The following DCLRE1B variants were observed in gnomAD, a reference collection of about 807,000 sequenced individuals.
DCLRE1B encodes 5' exonuclease Apollo.
In DCLRE1B, 6 loss-of-function variants were observed where a neutral mutation model predicts 19.8. That is an observed-to-expected ratio of 0.30 (90% confidence interval 0.17 to 0.60). The LOEUF is 0.60. Among genes scored for constraint, DCLRE1B ranks in the 20% least tolerant of loss-of-function variants. The probability of loss-of-function intolerance (pLI) is 0.87; values close to 1 mark genes in which losing one functional copy is unlikely to be tolerated. For missense variants in DCLRE1B, 622 were observed against 654.2 expected (o/e 0.95, Z 0.54); for synonymous variants, 258 against 255.7 (o/e 1.01, Z -0.09).
At chr1:113,907,195 AGAC>A in intron 2 of DCLRE1B, 34 bp downstream of exon 2, 1 of 645,556 alleles carries the variant, frequency 1.5e-6, no homozygotes, top group African/African-American at 3.1e-5. Context: ...TGACTTCTCC[AGAC>A]TAGATGTTTT....
Position 113,906,644 on chromosome 1 carries a change from C to G in DCLRE1B, c.190-352C>G, listed in dbSNP as rs570574305. On this transcript the variant is annotated intron_variant, in intron 1 of 3. Coordinates refer to ENST00000650450, the MANE Select transcript of DCLRE1B (RefSeq NM_022836.4). ...TAGCTGGGACTACAGGCGCCCGCCACCACGCCTGGCTAATTTTTTTTGTAT... is the reference window on the plus strand; with the variant it reads ...TAGCTGGGACTACAGGCGCCCGCCAGCACGCCTGGCTAATTTTTTTTGTAT... 6.9e-4 allele frequency among the ~76,000 whole-genome samples: 105 copies of G among 152,250 alleles called. 1 individual carries two copies. The highest frequency in any genetic ancestry group is 1.1e-3 in the Non-Finnish European group (76 of 68,008).
At position 113,905,386 on chromosome 1, in the gene DCLRE1B, C is replaced by T. The variant is rs1029032303; in HGVS notation, c.-201C>T. 5.0e-6 allele frequency: 3 copies of T among 605,194 alleles called. No individual in the cohort carries two copies. Among genetic ancestry groups the T allele is most frequent in the Admixed American group, 3.3e-5 (1 of 29,946 alleles). The allele number at this position is 605,194 out of a possible 1,614,324, so 37.5% of individuals were successfully genotyped here. A position where few individuals can be genotyped will look rare whatever the true frequency, so the allele number is the denominator to read the frequency against. ...GGTTGGGAGTGTCCAGCGCCCTCCG[C>T]GATTTGGGCTCCAGCGGGCAGGGTG... is the stretch of plus-strand genomic sequence containing the variant. On this transcript the variant is annotated 5_prime_UTR_variant, in exon 1 of 4. Coordinates refer to ENST00000650450, the MANE Select transcript of DCLRE1B (RefSeq NM_022836.4).
intron 3 of DCLRE1B, among the ~76,000 whole-genome samples, chr1:113,910,814 G>A (rs928240704): frequency 3.3e-5 from 5 of 152,114 alleles, no homozygotes; most frequent in African/African-American, 9.7e-5. Context: ...TATCTTTAAC[G>A]TTGCTCTTAA....
At position 113,905,767 on chromosome 1, in the gene DCLRE1B, C is replaced by T. The variant is rs11552449; in HGVS notation, c.181C>T (p.His61Tyr). Reference sequence around the variant, plus strand: ...AATTACAGCCCACCTCTTGCATCGTCACCTACAGGTATGGGGCTGGAGTCG... The same window carrying T: ...AATTACAGCCCACCTCTTGCATCGTTACCTACAGGTATGGGGCTGGAGTCG... Reference protein sequence around the residue: ...SPITAHLLHRHLQVSKQWIQA... With the variant: ...SPITAHLLHRYLQVSKQWIQA... The change falls in exon 1 of 4, where the codon CAC becomes TAC. Residue 61 changes from histidine to tyrosine, a missense_variant. By Grantham distance (83) the His-to-Tyr change is moderately conservative (BLOSUM62 2). This residue lies in a region of DCLRE1B where 237 missense variants were observed against 223.8 expected (regional missense o/e 1.06). Transcript: ENST00000650450. The T allele has an allele frequency of 0.18, 295,044 of 1,612,434 alleles. 33,388 individuals carry two copies. The highest frequency in any genetic ancestry group is 0.56 in the East Asian group (25,235 of 44,780).
In DCLRE1B at chr1:113,913,360, T is replaced by C. The variant is rs1669334800; in HGVS notation, c.*1169T>C. 1 of 152,746 alleles carries C rather than the reference T, an allele frequency of 6.5e-6. No individual in the cohort carries two copies. The highest frequency in any genetic ancestry group is 2.4e-5 in the African/African-American group (1 of 41,434). The allele number at this position is 152,746 out of a possible 1,614,324, so 9.5% of individuals were successfully genotyped here. On this transcript the variant is annotated 3_prime_UTR_variant, in exon 4 of 4. Coordinates refer to ENST00000650450, the MANE Select transcript of DCLRE1B (RefSeq NM_022836.4). ...AAGATTCCATTTCTTGTCCAGGGGA[T>C]TTAAAAGAGTTTTCTGCTTTGAGAG... is the stretch of plus-strand genomic sequence containing the variant.
chr1:113,907,736 A>G (rs1178639772), intron 2 of DCLRE1B, among the ~76,000 whole-genome samples: 1 of 152,124 alleles, frequency 6.6e-6, no homozygotes, highest in East Asian at 1.9e-4. Flanking sequence ...GGCCCCCCAA[A>G]GTGCTGGGAT....
chr1:113,907,318 C>T (rs1457207163), intron 2 of DCLRE1B, among the ~76,000 whole-genome samples, 157 bp downstream of exon 2: 2 of 149,418 alleles, frequency 1.3e-5, no homozygotes, highest in African/African-American at 5.0e-5. Context: ...TCAGCCTCCA[C>T]AGTAGCTAGG....
At position 113,906,796 on chromosome 1, in the gene DCLRE1B, T is replaced by C. The variant is rs566312111; in HGVS notation, c.190-200T>C. On this transcript the variant is annotated intron_variant, in intron 1 of 3. Coordinates refer to ENST00000650450, the MANE Select transcript of DCLRE1B (RefSeq NM_022836.4). ...GCGTGAGCCACCACGCCCGGCCAGC[T>C]GAACTCTTAAATTGTACAAAGGGTG... is the stretch of plus-strand genomic sequence containing the variant. Among the ~76,000 whole-genome samples the C allele has an allele frequency of 1.1e-4, 17 of 151,794 alleles. 1 individual carries two copies. In the South Asian group the frequency reaches 3.5e-3, roughly 32 times the overall value.
upstream of DCLRE1B, chr1:113,904,749 C>G (rs1472583774): frequency 1.3e-6 from 2 of 1,584,904 alleles, no homozygotes; most frequent in Non-Finnish European, 1.7e-6. Context: ...GCTCCCACAG[C>G]TCCCACGGTA....
Position 113,905,482 on chromosome 1 carries a change from G to T in DCLRE1B, c.-105G>T, listed in dbSNP as rs1414414750. 2 of 1,215,830 alleles carry T rather than the reference G, an allele frequency of 1.6e-6. No homozygotes were observed. The highest frequency in any genetic ancestry group is 1.3e-5 in the South Asian group (1 of 78,340). The allele number at this position is 1,215,830 out of a possible 1,614,324, so 75.3% of individuals were successfully genotyped here. A position where few individuals can be genotyped will look rare whatever the true frequency, so the allele number is the denominator to read the frequency against. ...TCTTTCCCTTAGGGTCTCTGGCCCT[G>T]TTCTTGCCCCAGCATGACTTTTATC... On this transcript the variant is annotated 5_prime_UTR_variant, in exon 1 of 4. Transcript: ENST00000650450.
At chr1:113,910,413 T>C (rs1345115370) in intron 3 of DCLRE1B, among the ~76,000 whole-genome samples, 1 of 152,208 alleles carries the variant, frequency 6.6e-6, no homozygotes, top group Non-Finnish European at 1.5e-5. Context: ...CTTTCTACCC[T>C]TTCCTTGCCA....
At chr1:113,907,206 T>A (rs1216545384) in intron 2 of DCLRE1B, 45 bp downstream of exon 2, 4 of 558,698 alleles carry the variant, frequency 7.2e-6, no homozygotes, top group East Asian at 2.2e-4. Flanking sequence ...GACTAGATGT[T>A]TTTTTTTTTT....
chr1:113,910,148 A>C (rs1669200803), intron 3 of DCLRE1B, among the ~76,000 whole-genome samples: 1 of 152,152 alleles, frequency 6.6e-6, no homozygotes, highest in Non-Finnish European at 1.5e-5. Flanking sequence ...GCAGTCAAAT[A>C]ATATTATTAC....
intron 3 of DCLRE1B, 83 bp from the exon 4 acceptor site, chr1:113,911,048 C>T (rs1669231503): frequency 3.8e-6 from 5 of 1,317,322 alleles, no homozygotes; most frequent in Non-Finnish European, 5.2e-6. Context: ...TTTTGTTAAA[C>T]ATTTTGTTGA....
chr1:113,906,085 C>G (rs1352280635), intron 1 of DCLRE1B, among the ~76,000 whole-genome samples: 1 of 115,952 alleles, frequency 8.6e-6, no homozygotes. Context: ...GAGACGGAGT[C>G]TCGCTCTGTT....
At chr1:113,909,796 T>A (rs1309829975) in intron 3 of DCLRE1B, among the ~76,000 whole-genome samples, 3 of 152,194 alleles carry the variant, frequency 2.0e-5, no homozygotes, top group Admixed American at 2.0e-4. Flanking sequence ...AGTCTCTGAC[T>A]TGGAGGGCTC....
At chr1:113,904,625 A>G (rs766434944), upstream of DCLRE1B, 2 of 1,613,918 alleles carry the variant, frequency 1.2e-6, no homozygotes, top group South Asian at 1.1e-5. Context: ...GCTGGATGAC[A>G]TTCCGGTAGC....
chr1:113,906,924 G>A, intron 1 of DCLRE1B, 72 bp from the exon 2 acceptor site: 3 of 1,548,328 alleles, frequency 1.9e-6, no homozygotes, highest in Non-Finnish European at 2.6e-6. Flanking sequence ...ATTCATGTAA[G>A]GGATAGTCCC....
At chr1:113,906,130 C>T (rs10858023) in intron 1 of DCLRE1B, among the ~76,000 whole-genome samples, 47,438 of 146,234 alleles carry the variant, frequency 0.32, 9,142 homozygotes, top group East Asian at 0.77. Context: ...AATCTCGGCT[C>T]ACTGCAGCCT....
Sources: gnomAD v4.1 joint callset for allele counts (sites outside exome capture counted in the v4.1 genomes callset) on GRCh38, gnomAD v4.1.1 for gene constraint, gnomAD v4.1.1 regional missense constraint, MANE v1.5 for transcripts, NCBI Gene and HGNC (gene_info 2026-07-23, HGNC 2026-07-21) for gene names.